The following LMNTD1 variants were observed in gnomAD, a reference collection of about 807,000 sequenced individuals.
LMNTD1 encodes lamin tail domain-containing protein 1.
A neutral mutation model predicts 50.9 loss-of-function variants in LMNTD1; 35 were observed. The observed-to-expected ratio is 0.69, with a 90% CI of 0.53 to 0.91. The LOEUF (loss-of-function observed/expected upper bound fraction) is 0.91. Among genes scored for constraint, LMNTD1 ranks in the 40% least tolerant of loss-of-function variants. The pLI, the probability that LMNTD1 is intolerant of heterozygous loss-of-function variation, is 0.00. For missense variants in LMNTD1, 470 were observed against 475.5 expected (o/e 0.99, Z 0.11); for synonymous variants, 153 against 161.9 (o/e 0.94, Z 0.42).
chr12:25,646,169 C>T (rs1947065914), intron 1 of LMNTD1, among the ~76,000 whole-genome samples: 1 of 151,978 alleles, frequency 6.6e-6, no homozygotes, highest in Admixed American at 6.6e-5. Context: ...TGAGGGATGG[C>T]ATTGTTCAAG....
intron 9 of LMNTD1, among the ~76,000 whole-genome samples, chr12:25,492,991 G>A (rs745696126): frequency 3.9e-5 from 6 of 152,144 alleles, no homozygotes; most frequent in Non-Finnish European, 5.9e-5. Flanking sequence ...TTTGCTGCAT[G>A]TCCTGATCAG....
intron 9 of LMNTD1, among the ~76,000 whole-genome samples, chr12:25,501,134 A>G (rs1480773965): frequency 6.6e-6 from 1 of 151,980 alleles, no homozygotes; most frequent in Non-Finnish European, 1.5e-5. Flanking sequence ...GGACTACAGG[A>G]ATGTGCAACA....
At chr12:25,523,457 G>A (rs1428796022) in intron 6 of LMNTD1, among the ~76,000 whole-genome samples, 2 of 152,170 alleles carry the variant, frequency 1.3e-5, no homozygotes, top group Non-Finnish European at 2.9e-5. Flanking sequence ...ATTTTAGACA[G>A]TAGATTACAG....
intron 8 of LMNTD1, among the ~76,000 whole-genome samples, chr12:25,506,712 G>T (rs1939812737): frequency 6.7e-6 from 1 of 149,582 alleles, no homozygotes; most frequent in Non-Finnish European, 1.5e-5. Context: ...ACAGCTCCTG[G>T]TACATACTAG....
intron 9 of LMNTD1, among the ~76,000 whole-genome samples, chr12:25,496,234 G>A (rs1429020249): frequency 6.6e-6 from 1 of 152,186 alleles, no homozygotes; most frequent in Non-Finnish European, 1.5e-5. Flanking sequence ...ATTGGCCATA[G>A]TCACCAGAGC....
intron 8 of LMNTD1, among the ~76,000 whole-genome samples, chr12:25,517,695 C>A (rs1940894571): frequency 1.5e-5 from 2 of 133,770 alleles, no homozygotes; most frequent in African/African-American, 2.8e-5. Flanking sequence ...TACCCTAAAA[C>A]TTAAAGTGTA....
In LMNTD1 at chr12:25,594,223, A is replaced by T. The variant is rs1214756045; in HGVS notation, c.59-47669T>A. Among the ~76,000 whole-genome samples the T allele has an allele frequency of 2.0e-5, 3 of 152,176 alleles. No individual in the cohort carries two copies. In the East Asian group the frequency reaches 5.8e-4, roughly 29 times the overall value. ...AAGAAGCTCAAAGAACACCTGGGAAAATCATTGCAAAAAGATAATTGCCTA... is the reference window on the plus strand; with the variant it reads ...AAGAAGCTCAAAGAACACCTGGGAATATCATTGCAAAAAGATAATTGCCTA... On this transcript the variant is annotated intron_variant, in intron 1 of 7. Coordinates refer to the LMNTD1 transcript ENST00000445693.
chr12:25,609,691 C>G (rs1156743879), intron 1 of LMNTD1, among the ~76,000 whole-genome samples: 1 of 152,160 alleles, frequency 6.6e-6, no homozygotes, highest in Admixed American at 6.5e-5. Context: ...GAAAATATTG[C>G]TGCCTGATCC....
At chr12:25,506,247 T>C (rs1294245363) in intron 8 of LMNTD1, among the ~76,000 whole-genome samples, 1 of 152,238 alleles carries the variant, frequency 6.6e-6, no homozygotes, top group Non-Finnish European at 1.5e-5. Context: ...AGTTAGTTTT[T>C]CACAGTGTGG....
intron 1 of LMNTD1, among the ~76,000 whole-genome samples, chr12:25,632,463 C>T (rs1946740369): frequency 6.6e-6 from 1 of 152,202 alleles, no homozygotes; most frequent in African/African-American, 2.4e-5. Flanking sequence ...AGAAACCCTA[C>T]AAGCTAGAAG....
At chr12:25,646,797 T>G (rs560104864) in intron 1 of LMNTD1, among the ~76,000 whole-genome samples, 5 of 152,192 alleles carry the variant, frequency 3.3e-5, no homozygotes, top group African/African-American at 1.2e-4. Context: ...TAGGTAAGGA[T>G]CTATTGGAGC....
intron 1 of LMNTD1, among the ~76,000 whole-genome samples, chr12:25,643,182 T>C (rs1224844444): frequency 6.6e-6 from 1 of 152,198 alleles, no homozygotes; most frequent in Non-Finnish European, 1.5e-5. Context: ...GACAGAAATA[T>C]AAATAAAACT....
Position 25,529,280 on chromosome 12 carries a change from G to A in LMNTD1, c.492-2325C>T, listed in dbSNP as rs1476824979. ...TTATTTCCCTCATTTATCCTTATAG[G>A]TGATGTTATCCATGAACAGTGTTTA... is the stretch of plus-strand genomic sequence containing the variant. On this transcript the variant is annotated intron_variant, in intron 4 of 9. Coordinates refer to ENST00000458174, the MANE Select transcript of LMNTD1 (RefSeq NM_001145728.2). Among the ~76,000 whole-genome samples, 5 of 151,964 alleles carry A rather than the reference G, an allele frequency of 3.3e-5. No individual in the cohort carries two copies. The South Asian group carries it at 8.3e-4, about 25-fold the overall frequency.
intron 4 of LMNTD1, among the ~76,000 whole-genome samples, chr12:25,541,779 C>A (rs970731420): frequency 1.5e-5 from 2 of 132,704 alleles, no homozygotes; most frequent in African/African-American, 2.8e-5. Context: ...TCAGAGTGAA[C>A]AGGCAACCTA....
At chr12:25,645,651 G>T (rs1947053648) in intron 1 of LMNTD1, among the ~76,000 whole-genome samples, 1 of 152,174 alleles carries the variant, frequency 6.6e-6, no homozygotes, top group Non-Finnish European at 1.5e-5. Context: ...GAGCGATACA[G>T]CAACATCACA....
chr12:25,526,960 A>C lies in LMNTD1; in HGVS notation c.492-5T>G. The C allele has an allele frequency of 1.3e-6, 2 of 1,589,660 alleles. No homozygotes were observed. Among genetic ancestry groups the C allele is most frequent in the Non-Finnish European group, 1.7e-6 (2 of 1,166,550 alleles). On this transcript the variant is annotated splice_region_variant and splice_polypyrimidine_tract_variant and intron_variant, in intron 4 of 9. Coordinates refer to ENST00000458174, the MANE Select transcript of LMNTD1 (RefSeq NM_001145728.2). ...ATTTCAACATCTCCAAGAGAACTAG[A>C]AAATAAAACACAAAGATTGTAAGCT...
intron 4 of LMNTD1, among the ~76,000 whole-genome samples, chr12:25,531,243 G>T (rs1424434685): frequency 1.3e-5 from 2 of 152,204 alleles, no homozygotes; most frequent in Non-Finnish European, 2.9e-5. Flanking sequence ...AGACAACCCA[G>T]ATTTATGGCC....
At chr12:25,487,535 C>T (rs1199369433) in intron 9 of LMNTD1, among the ~76,000 whole-genome samples, 16 of 142,648 alleles carry the variant, frequency 1.1e-4, no homozygotes, top group East Asian at 2.2e-4. Flanking sequence ...TGTCTCTGCA[C>T]GTGAGATGGG....
intron 1 of LMNTD1, among the ~76,000 whole-genome samples, chr12:25,606,543 G>C (rs1101395): frequency 0.59 from 89,242 of 151,954 alleles, 28,087 homozygotes; most frequent in Middle Eastern, 0.73. Flanking sequence ...TAGCATGAAG[G>C]GTTGTTGAAT....
Sources: gnomAD v4.1 joint callset for allele counts (sites outside exome capture counted in the v4.1 genomes callset) on GRCh38, gnomAD v4.1.1 for gene constraint, MANE v1.5 for transcripts, NCBI Gene and HGNC (gene_info 2026-07-23, HGNC 2026-07-21) for gene names.